MLLT1: variants seen among roughly 807,000 people sequenced by gnomAD.
The protein encoded by MLLT1 is protein ENL.
MLLT1 carries 11 observed loss-of-function variants against 55.1 expected under a neutral mutation model. The observed-to-expected ratio is 0.20, with a 90% CI of 0.13 to 0.33. The LOEUF (loss-of-function observed/expected upper bound fraction) is 0.33. MLLT1 is among the 10% of genes least tolerant of loss of function. The pLI, the probability that MLLT1 is intolerant of heterozygous loss-of-function variation, is 1.00. For missense variants in MLLT1, 536 were observed against 760.6 expected (o/e 0.70, Z 3.47); for synonymous variants, 323 against 320.1 (o/e 1.01, Z -0.10).
At chr19:6,213,819 G>T in intron 9 of MLLT1, 22 bp from the exon 10 acceptor site, 1 of 1,612,236 alleles carries the variant, frequency 6.2e-7, no homozygotes, top group Non-Finnish European at 8.5e-7. Flanking sequence ...CCAGGTCTCT[G>T]CTGAGCTGTG....
chr19:6,217,450 G>A lies in MLLT1; in HGVS notation c.1198+504C>T, dbSNP rs139717939. On this transcript the variant is annotated intron_variant, in intron 7 of 11. Transcript: ENST00000252674. ...GCCCTCCCCACTCTGGGGCAGGCTG[G>A]TGCAGCCAATGGGCCTATGTCCTTT... Among the ~76,000 whole-genome samples the A allele has an allele frequency of 1.6e-4, 25 of 152,270 alleles. No individual in the cohort carries two copies. In the East Asian group the frequency reaches 4.6e-3, roughly 28 times the overall value.
intron 8 of MLLT1, among the ~76,000 whole-genome samples, chr19:6,214,436 C>T (rs554164448): frequency 6.6e-6 from 1 of 152,320 alleles, no homozygotes; most frequent in East Asian, 1.9e-4. Context: ...GCTTCCATGG[C>T]CGCCCGTCCC....
intron 10 of MLLT1, 105 bp downstream of exon 10, chr19:6,213,621 A>C (rs968621541): frequency 2.3e-5 from 27 of 1,179,510 alleles, no homozygotes; most frequent in Middle Eastern, 1.9e-4. Context: ...GCCCAGGAAG[A>C]GTCCAACTGT....
chr19:6,232,854 G>C (rs1036414332), intron 3 of MLLT1, among the ~76,000 whole-genome samples: 1 of 152,180 alleles, frequency 6.6e-6, no homozygotes, highest in African/African-American at 2.4e-5. Flanking sequence ...TTTTATGGTA[G>C]GTGAATCACA....
At position 6,226,951 on chromosome 19, in the gene MLLT1, G is replaced by GC; in HGVS notation, c.546+25dup. The GC allele has an allele frequency of 6.5e-7, 1 of 1,542,104 alleles. No homozygotes were observed. The highest frequency in any genetic ancestry group is 8.7e-7 in the Non-Finnish European group (1 of 1,145,638). On this transcript the variant is annotated intron_variant, in intron 5 of 11. Coordinates refer to ENST00000252674, the MANE Select transcript of MLLT1 (RefSeq NM_005934.4). This position sits in a 1 kb window ranked among gnomAD's most constrained non-coding sequence, Gnocchi z 6.3. ...CACAGCTGGGCCCCGGCGCTCCCACGCGACTGGGCCTTCCGCCTCACTAAC... is the reference window on the plus strand; with the variant it reads ...CACAGCTGGGCCCCGGCGCTCCCACGCCGACTGGGCCTTCCGCCTCACTAAC...
At chr19:6,225,147 G>A (rs2090943202) in intron 5 of MLLT1, among the ~76,000 whole-genome samples, 1 of 152,224 alleles carries the variant, frequency 6.6e-6, no homozygotes, top group African/African-American at 2.4e-5. Flanking sequence ...AAGGCTGTGA[G>A]AGGGTCCTGC....
rs1312357461 is a variant in MLLT1 at position 6,212,341 on chromosome 19, G to A, written c.*701C>T. ...ATGCGCCTGGAGAGGGCCAGCTGCCGTGCCTGGCTCGGCCTCCAGCCCCAC... is the reference window on the plus strand; with the variant it reads ...ATGCGCCTGGAGAGGGCCAGCTGCCATGCCTGGCTCGGCCTCCAGCCCCAC... On this transcript the variant is annotated 3_prime_UTR_variant, in exon 12 of 12. Coordinates refer to ENST00000252674, the MANE Select transcript of MLLT1 (RefSeq NM_005934.4). 3.4e-5 allele frequency: 35 copies of A among 1,044,750 alleles called. No individual in the cohort carries two copies. Among genetic ancestry groups the A allele is most frequent in the African/African-American group, 1.9e-4 (10 of 53,114 alleles). The allele number at this position is 1,044,750 out of a possible 1,614,324, so 64.7% of individuals were successfully genotyped here.
rs1054146718 is a variant in MLLT1, at chr19:6,212,022, A to C, written c.*1020T>G. ...CTGACCAGAGTTCAATGCGCCTCAG[A>C]AAACTCCATAAACTATCCCGTCTTA... On this transcript the variant is annotated 3_prime_UTR_variant, in exon 12 of 12. Coordinates refer to ENST00000252674, the MANE Select transcript of MLLT1 (RefSeq NM_005934.4). 4.7e-6 allele frequency: 5 copies of C among 1,065,780 alleles called. No homozygotes were observed. The African/African-American group carries it at 8.2e-5, about 17-fold the overall frequency. The allele number at this position is 1,065,780 out of a possible 1,614,324, so 66.0% of individuals were successfully genotyped here. A position where few individuals can be genotyped will look rare whatever the true frequency, so the allele number is the denominator to read the frequency against.
chr19:6,233,540 G>A (rs1466500332), intron 3 of MLLT1, among the ~76,000 whole-genome samples: 2 of 152,200 alleles, frequency 1.3e-5, no homozygotes, highest in African/African-American at 4.8e-5. Context: ...GTAAGGACAT[G>A]GAAGGGAGGG....
chr19:6,278,356 G>A (rs985798100), intron 1 of MLLT1, among the ~76,000 whole-genome samples: 5 of 152,324 alleles, frequency 3.3e-5, no homozygotes, highest in African/African-American at 1.2e-4. Flanking sequence ...GGGGGTGCCA[G>A]GGTGCAGGAA....
In MLLT1 at chr19:6,229,295, G is replaced by A. The variant is rs1433219409; in HGVS notation, c.420+1275C>T. ...GGCCCACGCCGGCACTGCCCTCCCC[G>A]GATCAGAACCACAAGCAGGGCTTCA... On this transcript the variant is annotated intron_variant, in intron 4 of 11. Transcript: ENST00000252674. The surrounding 1 kb of genome is among the most constrained non-coding windows in gnomAD (Gnocchi z 5.2). 1.3e-5 allele frequency among the ~76,000 whole-genome samples: 2 copies of A among 152,098 alleles called. No individual in the cohort carries two copies. Among genetic ancestry groups the A allele is most frequent in the Admixed American group, 6.5e-5 (1 of 15,268 alleles).
chr19:6,275,352 C>T (rs1306717654), intron 1 of MLLT1, among the ~76,000 whole-genome samples: 2 of 152,184 alleles, frequency 1.3e-5, no homozygotes, highest in African/African-American at 4.8e-5. Flanking sequence ...TGAGGTCCTC[C>T]TGGGCTGAAC....
At chr19:6,259,756 C>T (rs1236064769) in intron 3 of MLLT1, 1 of 130,716 alleles carries the variant, frequency 7.7e-6, no homozygotes, top group Non-Finnish European at 1.5e-5. Context: ...TACGCGGCTT[C>T]TGCAGGAATT....
chr19:6,266,451 T>C (rs2091350194), intron 2 of MLLT1, among the ~76,000 whole-genome samples: 1 of 151,912 alleles, frequency 6.6e-6, no homozygotes, highest in African/African-American at 2.4e-5. Context: ...GTCTTATAAA[T>C]TTTTTTTGTT....
At chr19:6,264,293 G>A (rs2091328872) in intron 2 of MLLT1, among the ~76,000 whole-genome samples, 1 of 145,550 alleles carries the variant, frequency 6.9e-6, no homozygotes, top group Non-Finnish European at 1.5e-5. Context: ...GAGAAATTGA[G>A]ATGGTTCTGT....
chr19:6,238,473 C>T lies in MLLT1; in HGVS notation c.277-7760G>A, dbSNP rs189205452. On this transcript the variant is annotated intron_variant, in intron 3 of 11. Transcript: ENST00000252674. ...GAGAGGAGAAAGCACCCCATGCAGGCTGGCGGCTGTGGGAGCCGGAGGTGG... is the reference window on the plus strand; with the variant it reads ...GAGAGGAGAAAGCACCCCATGCAGGTTGGCGGCTGTGGGAGCCGGAGGTGG... Among the ~76,000 whole-genome samples, 3 of 152,360 alleles carry T rather than the reference C, an allele frequency of 2.0e-5. No homozygotes were observed. The East Asian group carries it at 5.8e-4, about 29-fold the overall frequency.
At chr19:6,237,831 A>G (rs2091077701) in intron 3 of MLLT1, among the ~76,000 whole-genome samples, 1 of 151,644 alleles carries the variant, frequency 6.6e-6, no homozygotes, top group Non-Finnish European at 1.5e-5. Context: ...GCCTGGCACA[A>G]TGGCTCATGC....
intron 3 of MLLT1, among the ~76,000 whole-genome samples, chr19:6,241,171 C>T (rs1254108275): frequency 6.6e-6 from 1 of 152,198 alleles, no homozygotes; most frequent in African/African-American, 2.4e-5. Context: ...TCCTGCCTCC[C>T]TCATGCCCAG....
At chr19:6,228,419 G>A (rs1457179996) in intron 4 of MLLT1, among the ~76,000 whole-genome samples, 1 of 152,160 alleles carries the variant, frequency 6.6e-6, no homozygotes, top group Non-Finnish European at 1.5e-5. Flanking sequence ...AACTGAACAC[G>A]CAGATGACTC....
Sources: gnomAD v4.1 joint callset for allele counts (sites outside exome capture counted in the v4.1 genomes callset) on GRCh38, gnomAD v4.1.1 for gene constraint, Gnocchi (gnomAD v3.1) non-coding constraint, MANE v1.5 for transcripts, NCBI Gene and HGNC (gene_info 2026-07-23, HGNC 2026-07-21) for gene names.